The following ACCSL variants were observed in gnomAD, a reference collection of about 807,000 sequenced individuals.
The protein encoded by ACCSL is 1-aminocyclopropane-1-carboxylate synthase homolog (inactive) like.
A neutral mutation model predicts 61.7 loss-of-function variants in ACCSL; 55 were observed. The observed-to-expected ratio is 0.89, with a 90% CI of 0.72 to 1.12. The LOEUF (loss-of-function observed/expected upper bound fraction) is 1.12. ACCSL is among the 50% of genes most tolerant of loss of function. The pLI, the probability that ACCSL is intolerant of heterozygous loss-of-function variation, is 0.00. For synonymous variants in ACCSL, 258 were observed against 264.3 expected, an observed-to-expected ratio of 0.98 and a Z score of 0.23; for missense variants, 632 against 698.0, an observed-to-expected ratio of 0.91 and a Z score of 1.07.
At chr11:44,009,397 T>G in the ACCSL span, among the ~76,000 whole-genome samples, 1 of 152,146 alleles carries the variant, frequency 6.6e-6, no homozygotes, top group Admixed American at 6.5e-5. Context: ...GTAGAAGGAT[T>G]AGCAGAGTTG....
chr11:43,930,629 A>G, the ACCSL span, among the ~76,000 whole-genome samples: 1 of 152,192 alleles, frequency 6.6e-6, no homozygotes, highest in Non-Finnish European at 1.5e-5. Flanking sequence ...AGAGCCAAGC[A>G]GATGCTAGTG....
At chr11:44,059,165 C>T (rs1401713129) in intron 13 of ACCSL, among the ~76,000 whole-genome samples, 3 of 152,186 alleles carry the variant, frequency 2.0e-5, no homozygotes, top group African/African-American at 7.2e-5. Flanking sequence ...TTGCTTGAAC[C>T]TGGGAGGTGG....
chr11:43,987,743 C>G, the ACCSL span, among the ~76,000 whole-genome samples: 2 of 152,132 alleles, frequency 1.3e-5, no homozygotes, highest in Non-Finnish European at 2.9e-5. Flanking sequence ...GAGACCTGGC[C>G]GACTTCCCAA....
chr11:43,921,359 T>TA, the ACCSL span, among the ~76,000 whole-genome samples: 1 of 152,068 alleles, frequency 6.6e-6, no homozygotes, highest in Admixed American at 6.5e-5. Context: ...CCTGCCCTTT[T>TA]AAAAAACAAA....
chr11:43,988,883 TCCTCGG>T, the ACCSL span, among the ~76,000 whole-genome samples: 1 of 143,480 alleles, frequency 7.0e-6, no homozygotes, highest in Admixed American at 7.2e-5. Context: ...CAATCCTCTC[TCCTCGG>T]CCTCTAGAGT....
chr11:43,972,586 A>T, the ACCSL span, among the ~76,000 whole-genome samples: 6 of 152,096 alleles, frequency 3.9e-5, no homozygotes, highest in Non-Finnish European at 8.8e-5. Flanking sequence ...CTGTGAAGAC[A>T]CTCATACCTC....
the ACCSL span, among the ~76,000 whole-genome samples, chr11:43,963,907 A>G: frequency 6.6e-6 from 1 of 152,196 alleles, no homozygotes; most frequent in African/African-American, 2.4e-5. Flanking sequence ...CTTTTTGGCC[A>G]GAATTGTATC....
chr11:43,961,075 C>T, the ACCSL span, among the ~76,000 whole-genome samples: 16 of 152,204 alleles, frequency 1.1e-4, no homozygotes, highest in Non-Finnish European at 1.3e-4. Flanking sequence ...CCCGCCTCGG[C>T]CTTCCAAAGC....
chr11:44,005,042 C>A, the ACCSL span, among the ~76,000 whole-genome samples: 1 of 144,326 alleles, frequency 6.9e-6, no homozygotes, highest in African/African-American at 2.9e-5. Context: ...TCAGAACACC[C>A]AGCCCGGCCC....
At chr11:43,989,872 G>C in the ACCSL span, among the ~76,000 whole-genome samples, 6 of 152,268 alleles carry the variant, frequency 3.9e-5, no homozygotes, top group African/African-American at 1.4e-4. Flanking sequence ...CCTGCAGAGA[G>C]AAAGGGCCAC....
At chr11:43,992,822 A>G in the ACCSL span, among the ~76,000 whole-genome samples, 1 of 152,236 alleles carries the variant, frequency 6.6e-6, no homozygotes, top group Admixed American at 6.5e-5. Context: ...GTTCAAACAC[A>G]GTGGAAGTTT....
the ACCSL span, among the ~76,000 whole-genome samples, chr11:43,941,018 G>A: frequency 2.6e-5 from 4 of 152,144 alleles, no homozygotes; most frequent in African/African-American, 7.2e-5. Flanking sequence ...TGTAAATGGC[G>A]ATAAGAAATG....
the ACCSL span, among the ~76,000 whole-genome samples, chr11:44,000,205 A>C: frequency 1.3e-5 from 2 of 151,760 alleles, no homozygotes; most frequent in Non-Finnish European, 2.9e-5. Flanking sequence ...GCTCACTGCA[A>C]CCTCCGCCTC....
chr11:44,009,150 AGCGG>A, the ACCSL span, among the ~76,000 whole-genome samples: 1 of 152,216 alleles, frequency 6.6e-6, no homozygotes, highest in East Asian at 1.9e-4. Context: ...CCTGGGTGAC[AGCGG>A]GAGACCCTGT....
the ACCSL span, among the ~76,000 whole-genome samples, chr11:44,005,967 G>A: frequency 1.3e-5 from 2 of 152,296 alleles, no homozygotes; most frequent in African/African-American, 2.4e-5. Context: ...CAAAGTGCAG[G>A]GGAGGGCCCA....
the ACCSL span, among the ~76,000 whole-genome samples, chr11:44,016,871 C>T: frequency 3.9e-5 from 6 of 152,152 alleles, no homozygotes; most frequent in Admixed American, 2.0e-4. Flanking sequence ...AAACAACTTC[C>T]CTCTCAGAGC....
intron 5 of ACCSL, 79 bp downstream of exon 5, chr11:44,051,798 G>T: frequency 6.4e-7 from 1 of 1,550,446 alleles, no homozygotes. Flanking sequence ...TGGACTTTGA[G>T]GAAGAAGAGC....
chr11:43,984,215 C>T, the ACCSL span, among the ~76,000 whole-genome samples: 2 of 152,084 alleles, frequency 1.3e-5, no homozygotes, highest in Admixed American at 6.6e-5. Context: ...GTGTCCACTA[C>T]ACGTGGCCAT....
At chr11:43,991,860 C>G in the ACCSL span, among the ~76,000 whole-genome samples, 11 of 152,068 alleles carry the variant, frequency 7.2e-5, no homozygotes, top group Non-Finnish European at 1.2e-4. Flanking sequence ...TAATGACTCC[C>G]TGATAATCAG....
Sources: gnomAD v4.1 joint callset for allele counts (sites outside exome capture counted in the v4.1 genomes callset) on GRCh38, gnomAD v4.1.1 for gene constraint, MANE v1.5 for transcripts, NCBI Gene and HGNC (gene_info 2026-07-23, HGNC 2026-07-21) for gene names.